The following SV2C variants were observed in gnomAD, a reference collection of about 807,000 sequenced individuals.
The protein encoded by SV2C is solute carrier family 22 member B3.
In SV2C, 49 loss-of-function variants were observed where a neutral mutation model predicts 79.7. The observed-to-expected ratio is 0.61, with a 90% CI of 0.49 to 0.78. The LOEUF (loss-of-function observed/expected upper bound fraction) is 0.78. SV2C is among the 30% of genes least tolerant of loss of function. The pLI, the probability that SV2C is intolerant of heterozygous loss-of-function variation, is 0.00. For missense variants in SV2C, 833 were observed against 912.9 expected (o/e 0.91, Z 1.13); for synonymous variants, 334 against 333.2 (o/e 1.00, Z -0.03).
intron 1 of SV2C, among the ~76,000 whole-genome samples, chr5:76,103,420 C>A (rs1747804700): frequency 1.3e-5 from 2 of 152,090 alleles, no homozygotes; most frequent in Admixed American, 6.6e-5. Context: ...ATATTAATGT[C>A]CCCTCACTAT....
At chr5:76,026,300 G>A in the SV2C span, among the ~76,000 whole-genome samples, 3 of 151,598 alleles carry the variant, frequency 2.0e-5, no homozygotes, top group African/African-American at 7.3e-5. Context: ...GCACAGTGAA[G>A]TGTGCAAATG....
the SV2C span, among the ~76,000 whole-genome samples, chr5:75,881,482 G>A: frequency 6.6e-6 from 1 of 152,074 alleles, no homozygotes; most frequent in Admixed American, 6.6e-5. Flanking sequence ...TTGAGCAGTG[G>A]TTTGTAGTTC....
chr5:76,103,597 TG>T (rs1747810752), intron 1 of SV2C, among the ~76,000 whole-genome samples: 1 of 152,244 alleles, frequency 6.6e-6, no homozygotes. Flanking sequence ...GACAGTTGTA[TG>T]CTCTTATAGC....
intron 2 of SV2C, among the ~76,000 whole-genome samples, chr5:76,183,197 G>A (rs1167527649): frequency 3.3e-5 from 5 of 151,642 alleles, no homozygotes; most frequent in South Asian, 2.1e-4. Flanking sequence ...CTAATTTTTT[G>A]TATTTTTCGT....
At chr5:76,115,908 C>T (rs1374024513) in intron 1 of SV2C, among the ~76,000 whole-genome samples, 3 of 152,240 alleles carry the variant, frequency 2.0e-5, no homozygotes, top group African/African-American at 7.2e-5. Flanking sequence ...TTGCCATTCT[C>T]TGCCTGAGCC....
chr5:75,988,631 G>C, the SV2C span, among the ~76,000 whole-genome samples: 3 of 151,944 alleles, frequency 2.0e-5, no homozygotes, highest in African/African-American at 7.2e-5. Context: ...CCCCATGGAA[G>C]AGCACACTGG....
intron 4 of SV2C, among the ~76,000 whole-genome samples, chr5:76,256,772 T>C (rs1188586123): frequency 6.6e-6 from 1 of 152,226 alleles, no homozygotes; most frequent in Non-Finnish European, 1.5e-5. Context: ...CTTTAAAATG[T>C]CATTATATTT....
At chr5:76,268,592 C>G (rs1470775735) in intron 4 of SV2C, among the ~76,000 whole-genome samples, 2 of 152,194 alleles carry the variant, frequency 1.3e-5, no homozygotes, top group Non-Finnish European at 2.9e-5. Context: ...ACCAACTTCT[C>G]CCATTTTTAT....
At chr5:76,129,704 A>G (rs914114727) in intron 1 of SV2C, among the ~76,000 whole-genome samples, 1 of 152,166 alleles carries the variant, frequency 6.6e-6, no homozygotes, top group African/African-American at 2.4e-5. Flanking sequence ...AAAAAAGCCA[A>G]ATGCAGTCAG....
In SV2C at chr5:76,303,281, T is replaced by C. The variant is rs192914256; in HGVS notation, c.2000+1736T>C. Among the ~76,000 whole-genome samples the C allele has an allele frequency of 5.0e-3, 768 of 152,232 alleles. 9 individuals are homozygous for C. The highest frequency in any genetic ancestry group is 0.017 in the African/African-American group (701 of 41,520). On this transcript the variant is annotated intron_variant, in intron 12 of 12. Transcript: ENST00000502798. ...CTTTGTGAACGAGGTCCTGCCAGAGTTGGTGCGGCCAAAAGCAAGATTAAG... is the reference window on the plus strand; with the variant it reads ...CTTTGTGAACGAGGTCCTGCCAGAGCTGGTGCGGCCAAAAGCAAGATTAAG...
chr5:76,075,337 G>T, the SV2C span, among the ~76,000 whole-genome samples: 8 of 152,316 alleles, frequency 5.3e-5, no homozygotes, highest in Non-Finnish European at 8.8e-5. Context: ...GAGCAGAATT[G>T]TGTTACAAAT....
At chr5:75,943,422 T>A in the SV2C span, among the ~76,000 whole-genome samples, 2 of 152,150 alleles carry the variant, frequency 1.3e-5, no homozygotes, top group African/African-American at 4.8e-5. Context: ...TTTCTGTGCC[T>A]TTTGCCCCTT....
chr5:76,163,840 T>C (rs994585811), intron 2 of SV2C, among the ~76,000 whole-genome samples: 2 of 152,178 alleles, frequency 1.3e-5, no homozygotes, highest in African/African-American at 4.8e-5. Flanking sequence ...TTTTATGTAT[T>C]CTTTTTGAGT....
At chr5:76,255,602 T>TA (rs1746238888) in intron 4 of SV2C, among the ~76,000 whole-genome samples, 1 of 152,220 alleles carries the variant, frequency 6.6e-6, no homozygotes, top group African/African-American at 2.4e-5. Flanking sequence ...CCCTTTGCTC[T>TA]ATTAGATTTT....
the SV2C span, among the ~76,000 whole-genome samples, chr5:75,918,896 T>C: frequency 6.6e-6 from 1 of 152,238 alleles, no homozygotes; most frequent in African/African-American, 2.4e-5. Context: ...TGAACATGTT[T>C]CAGTTCACAG....
the SV2C span, among the ~76,000 whole-genome samples, chr5:76,051,347 T>C: frequency 4.6e-5 from 7 of 152,008 alleles, no homozygotes; most frequent in African/African-American, 1.7e-4. Flanking sequence ...TAAATTAGTA[T>C]ATTCTTGGAT....
chr5:75,913,022 G>T, the SV2C span, among the ~76,000 whole-genome samples: 2 of 152,152 alleles, frequency 1.3e-5, no homozygotes, highest in South Asian at 4.1e-4. Flanking sequence ...ATCCAAGAAT[G>T]GCCCTCATTC....
chr5:76,168,278 C>T (rs538414277), intron 2 of SV2C, among the ~76,000 whole-genome samples: 1 of 152,144 alleles, frequency 6.6e-6, no homozygotes, highest in African/African-American at 2.4e-5. Context: ...CCTTCCCCGA[C>T]CTCTGGGACT....
the SV2C span, among the ~76,000 whole-genome samples, chr5:75,882,344 C>G: frequency 1.3e-5 from 2 of 148,422 alleles, no homozygotes; most frequent in Non-Finnish European, 3.0e-5. Context: ...TTTACAGATT[C>G]AATGCCATCC....
Sources: gnomAD v4.1 joint callset for allele counts (sites outside exome capture counted in the v4.1 genomes callset) on GRCh38, gnomAD v4.1.1 for gene constraint, MANE v1.5 for transcripts, NCBI Gene and HGNC (gene_info 2026-07-23, HGNC 2026-07-21) for gene names.